The following ADAMTSL1 variants were observed in gnomAD, a reference collection of about 807,000 sequenced individuals.
ADAMTSL1 encodes the protein ADAMTS like 1, also known as ADAMTS-like protein 1.
Under a neutral mutation model 201.8 loss-of-function variants are expected in ADAMTSL1, and 126 were observed. The observed-to-expected ratio is 0.62, with a 90% CI of 0.54 to 0.72. The LOEUF (loss-of-function observed/expected upper bound fraction) is 0.72, where lower values mean the gene tolerates loss of function less well. Among genes scored for constraint, ADAMTSL1 ranks in the 30% least tolerant of loss-of-function variants. ADAMTSL1 has a pLI of 0.00. For missense variants in ADAMTSL1, 2,679 were observed against 2,277.8 expected (o/e 1.18, Z -3.59); for synonymous variants, 1,121 against 903.4 (o/e 1.24, Z -4.32).
chr9:18,755,927 A>C (rs1358631761), intron 16 of ADAMTSL1, among the ~76,000 whole-genome samples: 2 of 151,580 alleles, frequency 1.3e-5, no homozygotes, highest in African/African-American at 4.9e-5. Context: ...CACACCTGAG[A>C]CACAATAATT....
intron 2 of ADAMTSL1, among the ~76,000 whole-genome samples, chr9:18,231,335 T>A (rs1830638113): frequency 6.6e-6 from 1 of 152,164 alleles, no homozygotes; most frequent in African/African-American, 2.4e-5. Context: ...TTTGTCGAGA[T>A]CACCAGTGAT....
chr9:18,660,479 G>A (rs901952532), intron 8 of ADAMTSL1, among the ~76,000 whole-genome samples: 1 of 152,144 alleles, frequency 6.6e-6, no homozygotes, highest in Admixed American at 6.5e-5. Context: ...TAGCTTCAAA[G>A]CAACAGGTTT....
At chr9:18,108,861 C>T (rs1218445785) in intron 1 of ADAMTSL1, among the ~76,000 whole-genome samples, 4 of 151,808 alleles carry the variant, frequency 2.6e-5, no homozygotes, top group Non-Finnish European at 5.9e-5. Flanking sequence ...CATCAGAATA[C>T]ATGTCGTAGT....
chr9:18,216,676 T>G (rs1830068183), intron 2 of ADAMTSL1, among the ~76,000 whole-genome samples: 1 of 151,130 alleles, frequency 6.6e-6, no homozygotes, highest in African/African-American at 2.4e-5. Context: ...TCCTTTTCTT[T>G]CAAGATGACA....
chr9:18,791,614 C>A (rs1356159460), intron 19 of ADAMTSL1, among the ~76,000 whole-genome samples: 1 of 152,060 alleles, frequency 6.6e-6, no homozygotes, highest in African/African-American at 2.4e-5. Flanking sequence ...CTAGACAGTT[C>A]CATTTTATAA....
intron 2 of ADAMTSL1, among the ~76,000 whole-genome samples, chr9:18,304,469 A>ATTTAGCAAAACCTGGTTTTGCTC (rs1833831998): frequency 1.3e-5 from 2 of 152,086 alleles, no homozygotes; most frequent in South Asian, 2.1e-4. Flanking sequence ...TGGTTTTGCT[A>ATTTAGCAAAACCTGGTTTTGCTC]TTTTGCAAAA....
intron 2 of ADAMTSL1, among the ~76,000 whole-genome samples, chr9:18,383,520 G>T (rs752128979): frequency 2.6e-4 from 39 of 152,132 alleles, no homozygotes; most frequent in Non-Finnish European, 4.4e-4. Context: ...AGAATCATCA[G>T]AAAATTTTTT....
At chr9:18,366,716 C>G (rs1302269747) in intron 2 of ADAMTSL1, among the ~76,000 whole-genome samples, 2 of 144,292 alleles carry the variant, frequency 1.4e-5, no homozygotes, top group Non-Finnish European at 3.0e-5. Context: ...GTGGCACCAT[C>G]TCAGCTCACT....
chr9:18,008,533 T>C (rs1819922918), intron 1 of ADAMTSL1, among the ~76,000 whole-genome samples: 1 of 151,762 alleles, frequency 6.6e-6, no homozygotes, highest in South Asian at 2.1e-4. Context: ...ATATTAGGGG[T>C]TTAACACAAC....
chr9:18,619,425 A>G (rs562217779), intron 4 of ADAMTSL1, among the ~76,000 whole-genome samples: 3 of 152,252 alleles, frequency 2.0e-5, no homozygotes, highest in South Asian at 2.1e-4. Context: ...AAAAAAAACA[A>G]TTGTGTCAGG....
In ADAMTSL1 at chr9:17,973,649, C is replaced by T. The variant is rs560240412; in HGVS notation, c.87+66727C>T. Among the ~76,000 whole-genome samples, 127 of 112,910 alleles carry T rather than the reference C, an allele frequency of 1.1e-3. 2 individuals carry two copies. Among genetic ancestry groups the T allele is most frequent in the Non-Finnish European group, 1.5e-3 (78 of 51,180 alleles). 74.1% of individuals were successfully genotyped at this position (112,910 alleles called of 152,430 possible). ...CTTAGGATTGACTTGGCAATGTGGG[C>T]TCTTTTTTGGTTCCATATGAAGTTT... On this transcript the variant is annotated intron_variant, in intron 1 of 29. Transcript: ENST00000680146.
At chr9:18,747,045 A>G (rs2133579847) in intron 15 of ADAMTSL1, among the ~76,000 whole-genome samples, 1 of 152,250 alleles carries the variant, frequency 6.6e-6, no homozygotes. Context: ...TAGATCTGTC[A>G]TTTTGTCACT....
At chr9:18,600,758 G>T (rs1259660270) in intron 4 of ADAMTSL1, among the ~76,000 whole-genome samples, 1 of 152,068 alleles carries the variant, frequency 6.6e-6, no homozygotes, top group African/African-American at 2.4e-5. Context: ...GCTTTAAAAA[G>T]AACATTTGAG....
intron 20 of ADAMTSL1, among the ~76,000 whole-genome samples, chr9:18,813,868 A>G (rs893986084): frequency 1.3e-5 from 2 of 152,220 alleles, no homozygotes; most frequent in African/African-American, 4.8e-5. Context: ...AGTGGTGAAC[A>G]TGGATATTCT....
Position 18,107,929 on chromosome 9 carries a change from G to A in ADAMTSL1, c.88-55933G>A, listed in dbSNP as rs558897427. On this transcript the variant is annotated intron_variant, in intron 1 of 29. Transcript: ENST00000680146. The stretch of plus-strand genomic sequence containing the variant: ...GAGCCCTCCAGCACAGTTTCCTGCC[G>A]CCAAACCACTGCCGATTTCTGATGG... Among the ~76,000 whole-genome samples, 247 of 152,160 alleles carry A rather than the reference G, an allele frequency of 1.6e-3. 2 individuals carry two copies. Among genetic ancestry groups the A allele is most frequent in the African/African-American group, 3.6e-3 (150 of 41,532 alleles).
intron 1 of ADAMTSL1, among the ~76,000 whole-genome samples, chr9:18,135,567 G>A (rs1319062610): frequency 6.6e-6 from 1 of 152,072 alleles, no homozygotes; most frequent in Non-Finnish European, 1.5e-5. Context: ...AGGCTGAGAT[G>A]GGAGAACTGC....
chr9:18,551,142 G>T (rs1170531824), intron 3 of ADAMTSL1, among the ~76,000 whole-genome samples: 1 of 151,786 alleles, frequency 6.6e-6, no homozygotes, highest in Non-Finnish European at 1.5e-5. Flanking sequence ...TTTCCAAAGT[G>T]GTGGTTTCAA....
intron 4 of ADAMTSL1, 72 bp from the exon 5 acceptor site, chr9:18,622,171 G>A: frequency 6.4e-7 from 1 of 1,568,606 alleles, no homozygotes; most frequent in South Asian, 1.2e-5. Context: ...TTATTTCATG[G>A]TGATTGGCCT....
At chr9:18,135,004 G>A (rs1035165254) in intron 1 of ADAMTSL1, among the ~76,000 whole-genome samples, 2 of 152,076 alleles carry the variant, frequency 1.3e-5, no homozygotes, top group African/African-American at 2.4e-5. Flanking sequence ...AGAAAAACAC[G>A]GGATCAGACA....
Sources: gnomAD v4.1 joint callset for allele counts (sites outside exome capture counted in the v4.1 genomes callset) on GRCh38, gnomAD v4.1.1 for gene constraint, MANE v1.5 for transcripts, NCBI Gene and HGNC (gene_info 2026-07-23, HGNC 2026-07-21) for gene names.